Variants in PPP2R3B observed in about 807,000 individuals in gnomAD.
The protein encoded by PPP2R3B is protein phosphatase 2 regulatory subunit B''beta.
PPP2R3B carries 68 observed loss-of-function variants against 72.9 expected under a neutral mutation model. The ratio of observed to expected loss-of-function variants is 0.93; its 90% confidence interval spans 0.77 to 1.14. PPP2R3B has a LOEUF of 1.14. Ranked by LOEUF, PPP2R3B falls within the 50% of genes most tolerant of loss-of-function variation. The pLI is 0.00. For synonymous variants in PPP2R3B, 466 were observed against 375.8 expected, an observed-to-expected ratio of 1.24 and a Z score of -2.78; for missense variants, 1,018 against 842.0, an observed-to-expected ratio of 1.21 and a Z score of -2.59.
At chrX:363,455 C>T (rs1379355795) in intron 1 of PPP2R3B, among the ~76,000 whole-genome samples, 12 of 151,066 alleles carry the variant, frequency 7.9e-5, no homozygotes, top group African/African-American at 2.2e-4. Context: ...TCTCCCCGAG[C>T]CCACCATCCC....
At position 349,681 on chromosome X, in the gene PPP2R3B, C is replaced by CA. The variant is rs767849132; in HGVS notation, c.511-1989dup. Among the ~76,000 whole-genome samples, 752 of 152,182 alleles carry CA rather than the reference C, an allele frequency of 4.9e-3. 9 individuals carry two copies. The highest frequency in any genetic ancestry group is 0.017 in the African/African-American group (690 of 41,508). On this transcript the variant is annotated intron_variant, in intron 2 of 12. Transcript: ENST00000390665. Reference sequence around the variant, plus strand: ...AGTTGCTGGATCCAAGGACTATATGCAAAAATAAATTATTTCAATATACTG... The same window carrying CA: ...AGTTGCTGGATCCAAGGACTATATGCAAAAAATAAATTATTTCAATATACTG...
intron 1 of PPP2R3B, chrX:373,645 C>T (rs1385033673): frequency 1.5e-5 from 4 of 275,188 alleles, no homozygotes; most frequent in South Asian, 3.0e-5. Flanking sequence ...AGCGAGCGCT[C>T]GCGGAGTCGC....
At chrX:346,623 G>A (rs1476116916) in intron 5 of PPP2R3B, 78 bp downstream of exon 5, 2 of 1,398,044 alleles carry the variant, frequency 1.4e-6, no homozygotes, top group South Asian at 1.2e-5. Context: ...CGCCCCGTCC[G>A]CAGAAGCCCC....
At chrX:379,888 T>G (rs1416222875) in intron 1 of PPP2R3B, among the ~76,000 whole-genome samples, 2 of 152,080 alleles carry the variant, frequency 1.3e-5, no homozygotes, top group African/African-American at 4.8e-5. Flanking sequence ...TGCTAGAAAG[T>G]TACACTAATC....
At chrX:335,689 G>A (rs930268798) in intron 12 of PPP2R3B, 19 of 152,358 alleles carry the variant, frequency 1.2e-4, no homozygotes, top group East Asian at 9.6e-4. Flanking sequence ...AGAAACACCC[G>A]TGGTTCCCTG....
At chrX:375,956 G>C (rs1463485824) in intron 1 of PPP2R3B, among the ~76,000 whole-genome samples, 3 of 152,184 alleles carry the variant, frequency 2.0e-5, no homozygotes, top group Non-Finnish European at 4.4e-5. Context: ...CACTTTGGGA[G>C]GTCAAGGCAG....
intron 8 of PPP2R3B, 94 bp from the exon 9 acceptor site, chrX:341,490 C>T (rs2124594261): frequency 1.2e-5 from 15 of 1,232,464 alleles, no homozygotes; most frequent in Admixed American, 2.0e-5. Context: ...GTGAGGGGAG[C>T]CCCCCGGGCC....
At chrX:372,808 A>G (rs1178306220) in intron 1 of PPP2R3B, among the ~76,000 whole-genome samples, 1 of 152,174 alleles carries the variant, frequency 6.6e-6, no homozygotes, top group South Asian at 2.1e-4. Context: ...AAATGCAAAA[A>G]TTAGCCCTAC....
chrX:381,560 T>C (rs2072124537), intron 1 of PPP2R3B, among the ~76,000 whole-genome samples: 1 of 151,818 alleles, frequency 6.6e-6, no homozygotes, highest in Admixed American at 6.6e-5. Flanking sequence ...GCCTCGCGTA[T>C]TCTGTATATG....
chrX:366,796 G>C (rs1287577618), intron 1 of PPP2R3B, among the ~76,000 whole-genome samples: 1 of 121,414 alleles, frequency 8.2e-6, no homozygotes, highest in Non-Finnish European at 1.7e-5. Flanking sequence ...ACAGGAGGCA[G>C]AGGTTGCAGT....
chrX:359,134 C>A (rs1318467524), intron 2 of PPP2R3B, among the ~76,000 whole-genome samples: 1 of 152,224 alleles, frequency 6.6e-6, no homozygotes, highest in African/African-American at 2.4e-5. Flanking sequence ...CAGCCCGAGG[C>A]GCGCAGAGAC....
In PPP2R3B at chrX:346,758, G is replaced by C; in HGVS notation, c.735C>G (p.His245Gln). Residue 245 changes from histidine to glutamine, a missense_variant, in exon 5 of 13, where the codon CAC becomes CAG. Coordinates refer to ENST00000390665, the MANE Select transcript of PPP2R3B (RefSeq NM_013239.5). ...CCTCCTTCAGGAACGACAGCCCCGG[G>C]TGCGTGTTCACCACGTCCTGCGGGT... ...VPFLQDVVNTHPGLSFLKEAS... is the reference protein window; with the variant it reads ...VPFLQDVVNTQPGLSFLKEAS... 6.2e-7 allele frequency: 1 copy of C among 1,610,312 alleles called. No homozygotes were observed. The highest frequency in any genetic ancestry group is 8.5e-7 in the Non-Finnish European group (1 of 1,178,716).
chrX:341,401 A>G lies in PPP2R3B; in HGVS notation c.1086-5T>C, dbSNP rs1181631244. The G allele has an allele frequency of 1.2e-6, 2 of 1,612,418 alleles. No homozygotes were observed. The stretch of plus-strand genomic sequence containing the variant: ...TCCTTCTGCACTTTTCTGCCTCTAG[A>G]TCGAAAGCCAGGATGGAGAGACGAA... On this transcript the variant is annotated splice_region_variant and splice_polypyrimidine_tract_variant and intron_variant, in intron 8 of 12. Transcript: ENST00000390665.
intron 1 of PPP2R3B, among the ~76,000 whole-genome samples, chrX:385,320 C>CTTTTTTTTTT (rs1178231888): frequency 5.3e-5 from 4 of 75,604 alleles, no homozygotes; most frequent in African/African-American, 1.0e-4. Context: ...TTTTAGTTTT[C>CTTTTTTTTTT]TTTTTTTTTT....
intron 2 of PPP2R3B, among the ~76,000 whole-genome samples, chrX:352,774 C>T (rs2071357344): frequency 2.0e-5 from 3 of 151,814 alleles, no homozygotes; most frequent in South Asian, 4.2e-4. Flanking sequence ...GCCACAACCA[C>T]GGCCGGCAAG....
chrX:338,460 C>T, intron 12 of PPP2R3B, 144 bp downstream of exon 12: 1 of 813,212 alleles, frequency 1.2e-6, no homozygotes, highest in Non-Finnish European at 2.0e-6. Flanking sequence ...AGGTCTCACC[C>T]CGCCCCTCTG....
chrX:339,234 G>C (rs1394404405), intron 10 of PPP2R3B, among the ~76,000 whole-genome samples: 1 of 142,598 alleles, frequency 7.0e-6, no homozygotes, highest in Non-Finnish European at 1.5e-5. Flanking sequence ...GCCAGAGGGT[G>C]TCCCGGGGAC....
chrX:356,014 G>GA (rs1173389286), intron 2 of PPP2R3B, among the ~76,000 whole-genome samples: 1 of 151,906 alleles, frequency 6.6e-6, no homozygotes, highest in African/African-American at 2.4e-5. Context: ...GCCCCAAAAT[G>GA]AAAAAAAGGC....
chrX:380,426 A>G (rs1269489439), intron 1 of PPP2R3B, among the ~76,000 whole-genome samples: 1 of 152,042 alleles, frequency 6.6e-6, no homozygotes, highest in African/African-American at 2.4e-5. Context: ...TGGGAACCAC[A>G]TGAATGGCAA....
Sources: gnomAD v4.1 joint callset for allele counts (sites outside exome capture counted in the v4.1 genomes callset) on GRCh38, gnomAD v4.1.1 for gene constraint, MANE v1.5 for transcripts, NCBI Gene and HGNC (gene_info 2026-07-23, HGNC 2026-07-21) for gene names.